CCDC91: variants seen among roughly 807,000 people sequenced by gnomAD.
The protein encoded by CCDC91 is coiled-coil domain containing 91.
A neutral mutation model predicts 63.2 loss-of-function variants in CCDC91; 48 were observed. The ratio of observed to expected loss-of-function variants is 0.76; its 90% CI spans 0.60 to 0.97. The LOEUF (loss-of-function observed/expected upper bound fraction) is 0.97, where lower values mean the gene tolerates loss of function less well. Among genes scored for constraint, CCDC91 ranks in the 50% least tolerant of loss-of-function variants. CCDC91 has a pLI of 0.00. For missense variants in CCDC91, 500 were observed against 494.6 expected (o/e 1.01, Z -0.10); for synonymous variants, 167 against 165.8 (o/e 1.01, Z -0.06).
At chr12:28,307,357 G>C (rs1232303824) in intron 5 of CCDC91, among the ~76,000 whole-genome samples, 1 of 151,846 alleles carries the variant, frequency 6.6e-6, no homozygotes, top group Non-Finnish European at 1.5e-5. Context: ...TTTCTTCCCT[G>C]TGAATATATA....
intron 8 of CCDC91, among the ~76,000 whole-genome samples, chr12:28,439,380 G>A (rs779087201): frequency 2.0e-5 from 3 of 152,076 alleles, no homozygotes; most frequent in African/African-American, 7.2e-5. Context: ...TTTATTTAGT[G>A]TCTTTTAAGT....
chr12:28,246,779 A>T (rs1391650214), intron 1 of CCDC91, among the ~76,000 whole-genome samples: 1 of 152,174 alleles, frequency 6.6e-6, no homozygotes, highest in African/African-American at 2.4e-5. Flanking sequence ...GAGTGGGGAA[A>T]TAATATAGAA....
At chr12:28,352,893 T>C (rs1943274807) in intron 6 of CCDC91, among the ~76,000 whole-genome samples, 1 of 152,114 alleles carries the variant, frequency 6.6e-6, no homozygotes, top group Admixed American at 6.5e-5. Flanking sequence ...CTAACAAGAG[T>C]GTCAGCCTGT....
At chr12:28,407,427 G>A (rs150853741) in intron 8 of CCDC91, among the ~76,000 whole-genome samples, 3 of 152,138 alleles carry the variant, frequency 2.0e-5, no homozygotes, top group African/African-American at 4.8e-5. Flanking sequence ...TATTTAGCAT[G>A]GATATTTAGT....
At chr12:28,341,769 A>T (rs1461470647) in intron 6 of CCDC91, among the ~76,000 whole-genome samples, 4 of 152,202 alleles carry the variant, frequency 2.6e-5, no homozygotes, top group African/African-American at 9.6e-5. Flanking sequence ...TAGTAAAAGG[A>T]GGCTGAGAAT....
chr12:28,305,904 C>G (rs1288527612), intron 4 of CCDC91, 98 bp downstream of exon 4: 8 of 1,017,530 alleles, frequency 7.9e-6, no homozygotes, highest in East Asian at 2.6e-5. Flanking sequence ...GCCTATTTGT[C>G]TAAAAGAAGT....
intron 1 of CCDC91, among the ~76,000 whole-genome samples, chr12:28,221,528 CTT>C (rs1943949579): frequency 6.6e-6 from 1 of 152,068 alleles, no homozygotes; most frequent in Non-Finnish European, 1.5e-5. Context: ...TGTTCTGACT[CTT>C]TGTTATGTCA....
At chr12:28,374,602 T>C (rs976138622) in intron 7 of CCDC91, among the ~76,000 whole-genome samples, 6 of 152,172 alleles carry the variant, frequency 3.9e-5, no homozygotes, top group African/African-American at 1.4e-4. Context: ...CCTAACACCA[T>C]TTAAATGAAC....
chr12:28,223,716 G>T (rs1944096249), intron 1 of CCDC91, among the ~76,000 whole-genome samples: 2 of 152,178 alleles, frequency 1.3e-5, no homozygotes, highest in African/African-American at 2.4e-5. Flanking sequence ...GTTTTAGGAG[G>T]TGTTAACTTA....
In CCDC91 at chr12:28,449,754, A is replaced by G. The variant is rs1252896209; in HGVS notation, c.763-407A>G. 3.9e-4 allele frequency among the ~76,000 whole-genome samples: 60 copies of G among 151,976 alleles called. 1 individual carries two copies. The highest frequency in any genetic ancestry group is 3.9e-3 in the Admixed American group (60 of 15,272). On this transcript the variant is annotated intron_variant, in intron 8 of 12. Transcript: ENST00000536442. Reference sequence around the variant, plus strand: ...AGGAACACAAATAATCTATGATGATAGTTGTTCATCAAGCAGATATTTTAT... The same window carrying G: ...AGGAACACAAATAATCTATGATGATGGTTGTTCATCAAGCAGATATTTTAT...
intron 3 of CCDC91, among the ~76,000 whole-genome samples, chr12:28,263,683 A>G (rs1417690670): frequency 6.6e-6 from 1 of 152,014 alleles, no homozygotes; most frequent in Non-Finnish European, 1.5e-5. Context: ...TAAATATTTT[A>G]TAAGTATGAC....
intron 1 of CCDC91, among the ~76,000 whole-genome samples, chr12:28,220,008 T>C (rs1347744114): frequency 2.0e-5 from 3 of 152,170 alleles, no homozygotes; most frequent in African/African-American, 7.2e-5. Context: ...AAAAGTGGTT[T>C]TTTTGTATGT....
At chr12:28,249,936 A>G (rs1317241495) in intron 1 of CCDC91, among the ~76,000 whole-genome samples, 3 of 152,170 alleles carry the variant, frequency 2.0e-5, no homozygotes, top group African/African-American at 7.2e-5. Flanking sequence ...ATAGCCCTGT[A>G]AAAATGTTCA....
chr12:28,465,108 G>A (rs1950489319), intron 11 of CCDC91, among the ~76,000 whole-genome samples: 1 of 152,212 alleles, frequency 6.6e-6, no homozygotes, highest in Non-Finnish European at 1.5e-5. Flanking sequence ...AGTAGCCATT[G>A]GGTGAGGCTC....
chr12:28,375,644 T>C (rs1433575436), intron 7 of CCDC91, among the ~76,000 whole-genome samples: 4 of 151,932 alleles, frequency 2.6e-5, no homozygotes, highest in Non-Finnish European at 5.9e-5. Flanking sequence ...CAAAAATCTT[T>C]TATTCTGATA....
chr12:28,468,453 G>A (rs1284136912), intron 11 of CCDC91, among the ~76,000 whole-genome samples: 1 of 151,820 alleles, frequency 6.6e-6, no homozygotes, highest in Non-Finnish European at 1.5e-5. Context: ...GTAAGAAAAA[G>A]TCTCTCAGTA....
At chr12:28,268,678 T>C in intron 3 of CCDC91, 1 of 984,956 alleles carries the variant, frequency 1.0e-6, no homozygotes, top group Non-Finnish European at 1.2e-6. Flanking sequence ...GCCCCGTGTC[T>C]GAATCTTCAG....
intron 3 of CCDC91, among the ~76,000 whole-genome samples, chr12:28,301,190 G>T (rs1181460557): frequency 4.6e-5 from 7 of 151,386 alleles, no homozygotes; most frequent in African/African-American, 1.7e-4. Flanking sequence ...CATTAGTTAA[G>T]TTGCTGCCTT....
intron 12 of CCDC91, among the ~76,000 whole-genome samples, chr12:28,500,285 C>G (rs11049671): frequency 0.21 from 31,614 of 151,284 alleles, 4,298 homozygotes; most frequent in Non-Finnish European, 0.31. Flanking sequence ...TTCTCCCATT[C>G]TGTAGGTTGC....
Sources: gnomAD v4.1 joint callset for allele counts (sites outside exome capture counted in the v4.1 genomes callset) on GRCh38, gnomAD v4.1.1 for gene constraint, MANE v1.5 for transcripts, NCBI Gene and HGNC (gene_info 2026-07-23, HGNC 2026-07-21) for gene names.